Variants in FAM107B observed in about 807,000 individuals in gnomAD.
The protein encoded by FAM107B is family with sequence similarity 107 member B.
Under a neutral mutation model 31.5 loss-of-function variants are expected in FAM107B, and 21 were observed. The observed-to-expected ratio is 0.67, with a 90% CI of 0.47 to 0.96. The LOEUF (loss-of-function observed/expected upper bound fraction) is 0.96, where lower values mean the gene tolerates loss of function less well. FAM107B is among the 40% of genes least tolerant of loss of function. FAM107B has a pLI of 0.00. For missense variants in FAM107B, 452 were observed against 377.1 expected, an observed-to-expected ratio of 1.20 and a Z score of -1.64; for synonymous variants, 157 against 141.5, an observed-to-expected ratio of 1.11 and a Z score of -0.78.
intron 2 of FAM107B, among the ~76,000 whole-genome samples, chr10:14,600,250 G>T (rs1052369724): frequency 6.6e-6 from 1 of 152,168 alleles, no homozygotes; most frequent in African/African-American, 2.4e-5. Context: ...GGCTTCCCAG[G>T]GCTACTGGCC....
chr10:14,608,546 G>T (rs1163904618), intron 2 of FAM107B, among the ~76,000 whole-genome samples: 1 of 152,216 alleles, frequency 6.6e-6, no homozygotes, highest in Non-Finnish European at 1.5e-5. Flanking sequence ...GCCCTGGGTG[G>T]TCTCAAAGTC....
rs555416061 is a variant in FAM107B at position 14,631,138 on chromosome 10, G to T, written c.469+36496C>A. ...GATAAACAGACACTTTTCTCCCCGG[G>T]ACAGTTTGTAATTATCTCACATCTT... On this transcript the variant is annotated intron_variant, in intron 2 of 4. Coordinates refer to ENST00000181796, the MANE Select transcript of FAM107B (RefSeq NM_031453.4). Among the ~76,000 whole-genome samples, 41 of 152,244 alleles carry T rather than the reference G, an allele frequency of 2.7e-4. No homozygotes were observed. In the South Asian group the frequency reaches 4.8e-3, roughly 18 times the overall value.
chr10:14,772,361 A>AAT (rs1255741689), intron 1 of FAM107B, among the ~76,000 whole-genome samples: 7 of 146,956 alleles, frequency 4.8e-5, no homozygotes, highest in African/African-American at 1.9e-4. Context: ...CTTAAAAAAA[A>AAT]AATATATATA....
At position 14,521,272 on chromosome 10, in the gene FAM107B, T is replaced by C. The variant is rs373444074; in HGVS notation, c.839A>G (p.Gln280Arg). ...CTTCACAAACTCGGGGGCATTTTCT[T>C]GCTCTTCTTGCAATTTCTGCTTCTC... Reference protein sequence around the residue: ...ELEKQKLQEEQENAPEFVKVK... With the variant: ...ELEKQKLQEERENAPEFVKVK... Residue 280 changes from glutamine to arginine, a missense_variant, in exon 5 of 5, where the codon CAA (glutamine) becomes CGA (arginine). By Grantham distance (43) the Gln-to-Arg change is conservative. Coordinates refer to ENST00000181796, the MANE Select transcript of FAM107B (RefSeq NM_031453.4). 7.2e-5 allele frequency: 117 copies of C among 1,614,050 alleles called. No individual in the cohort carries two copies. Among genetic ancestry groups the C allele is most frequent in the Non-Finnish European group, 9.0e-5 (106 of 1,180,020 alleles).
intron 2 of FAM107B, among the ~76,000 whole-genome samples, chr10:14,644,261 C>A (rs997306677): frequency 7.9e-5 from 12 of 152,176 alleles, no homozygotes; most frequent in African/African-American, 2.9e-4. Context: ...TCATTTAATT[C>A]CCTATTTAAC....
At chr10:14,600,928 G>A (rs1370326346) in intron 2 of FAM107B, among the ~76,000 whole-genome samples, 2 of 152,034 alleles carry the variant, frequency 1.3e-5, no homozygotes, top group Admixed American at 6.5e-5. Context: ...GGAGCGCGCT[G>A]CCACACCCAG....
chr10:14,522,887 T>A (rs1237376545), intron 3 of FAM107B, among the ~76,000 whole-genome samples: 2 of 152,090 alleles, frequency 1.3e-5, no homozygotes, highest in African/African-American at 4.8e-5. Context: ...AGAACCTTAA[T>A]CCCCTAATTC....
intron 1 of FAM107B, among the ~76,000 whole-genome samples, chr10:14,726,325 T>C (rs1413703364): frequency 6.6e-6 from 1 of 152,018 alleles, no homozygotes; most frequent in Non-Finnish European, 1.5e-5. Context: ...AATGAACACA[T>C]AAAAATCTAT....
chr10:14,596,640 T>C (rs1226478493), intron 2 of FAM107B, among the ~76,000 whole-genome samples: 1 of 152,178 alleles, frequency 6.6e-6, no homozygotes, highest in East Asian at 1.9e-4. Flanking sequence ...CAGGTCAAAC[T>C]CTACGTCTGA....
intron 2 of FAM107B, among the ~76,000 whole-genome samples, chr10:14,602,203 G>A (rs1244259317): frequency 6.6e-6 from 1 of 152,156 alleles, no homozygotes; most frequent in South Asian, 2.1e-4. Context: ...ACACTCCCCT[G>A]AGCGTGTGTG....
At chr10:14,710,462 AC>A (rs1855619515) in intron 1 of FAM107B, among the ~76,000 whole-genome samples, 1 of 151,738 alleles carries the variant, frequency 6.6e-6, no homozygotes, top group Non-Finnish European at 1.5e-5. Flanking sequence ...ACACACACAC[AC>A]ACACACACAC....
At chr10:14,647,685 CAAA>C (rs35141961) in intron 2 of FAM107B, among the ~76,000 whole-genome samples, 10 of 89,080 alleles carry the variant, frequency 1.1e-4, no homozygotes, top group Non-Finnish European at 1.1e-4. Context: ...GACTCCATCT[CAAA>C]AAAAAAAAAA....
At chr10:14,659,341 T>C (rs1854161218) in intron 2 of FAM107B, among the ~76,000 whole-genome samples, 1 of 152,088 alleles carries the variant, frequency 6.6e-6, no homozygotes, top group Non-Finnish European at 1.5e-5. Flanking sequence ...CTCCGGAGGC[T>C]GAGGCAGGAG....
intron 1 of FAM107B, among the ~76,000 whole-genome samples, chr10:14,756,606 G>A (rs575868602): frequency 1.3e-5 from 2 of 152,202 alleles, no homozygotes; most frequent in Non-Finnish European, 2.9e-5. Flanking sequence ...ACAGTGTGGT[G>A]ATTCTTCAAA....
intron 2 of FAM107B, among the ~76,000 whole-genome samples, chr10:14,597,199 C>T (rs1296111501): frequency 6.6e-6 from 1 of 152,204 alleles, no homozygotes; most frequent in Non-Finnish European, 1.5e-5. Flanking sequence ...GCATTCTCAA[C>T]TTCCTCCAGG....
chr10:14,637,790 G>A (rs1056572732), intron 2 of FAM107B, among the ~76,000 whole-genome samples: 1 of 152,138 alleles, frequency 6.6e-6, no homozygotes, highest in African/African-American at 2.4e-5. Flanking sequence ...TGCCCATGTG[G>A]CACTAAGGGT....
At chr10:14,693,015 T>G (rs574199031) in intron 1 of FAM107B, among the ~76,000 whole-genome samples, 31 of 152,140 alleles carry the variant, frequency 2.0e-4, no homozygotes, top group Non-Finnish European at 4.1e-4. Context: ...TTCACTAGGG[T>G]CCTCTGTTAC....
intron 3 of FAM107B, among the ~76,000 whole-genome samples, chr10:14,523,426 G>A (rs1476071636): frequency 6.6e-6 from 1 of 152,246 alleles, no homozygotes; most frequent in Non-Finnish European, 1.5e-5. Context: ...GCAGGCATGT[G>A]GTGGAACAGT....
At chr10:14,643,109 G>A (rs7921835) in intron 2 of FAM107B, among the ~76,000 whole-genome samples, 1 of 151,342 alleles carries the variant, frequency 6.6e-6, no homozygotes, top group Non-Finnish European at 1.5e-5. Context: ...AGATAGGTAG[G>A]TAGGTAGGTA....
Sources: gnomAD v4.1 joint callset for allele counts (sites outside exome capture counted in the v4.1 genomes callset) on GRCh38, gnomAD v4.1.1 for gene constraint, MANE v1.5 for transcripts, NCBI Gene and HGNC (gene_info 2026-07-23, HGNC 2026-07-21) for gene names.